The following FOXN1 variants were observed in gnomAD, a reference collection of about 807,000 sequenced individuals.
FOXN1 encodes forkhead box protein N1.
Under a neutral mutation model 49.0 loss-of-function variants are expected in FOXN1, and 15 were observed. The observed-to-expected ratio is 0.31, with a 90% CI of 0.20 to 0.47. FOXN1 has a LOEUF of 0.47. Among genes scored for constraint, FOXN1 ranks in the 20% least tolerant of loss-of-function variants. The pLI is 1.00. For synonymous variants in FOXN1, 356 were observed against 369.0 expected (o/e 0.96, Z 0.40); for missense variants, 800 against 842.8 (o/e 0.95, Z 0.63).
chr17:28,516,410 C>A (rs546875710), intron 1 of FOXN1, among the ~76,000 whole-genome samples: 1 of 150,798 alleles, frequency 6.6e-6, no homozygotes, highest in Non-Finnish European at 1.5e-5. Context: ...CATACCATCA[C>A]GGGGTACATG....
intron 1 of FOXN1, among the ~76,000 whole-genome samples, chr17:28,519,024 T>C (rs936869165): frequency 6.6e-6 from 1 of 152,214 alleles, no homozygotes; most frequent in African/African-American, 2.4e-5. Context: ...ATACTCCCAC[T>C]GTGGCTGATC....
At position 28,535,069 on chromosome 17, in the gene FOXN1, A is replaced by G. The variant is rs1184264768; in HGVS notation, c.1498A>G (p.Ser500Gly). The G allele has an allele frequency of 6.2e-7, 1 of 1,609,798 alleles. No individual in the cohort carries two copies. The highest frequency in any genetic ancestry group is 8.5e-7 in the Non-Finnish European group (1 of 1,177,098). ...GCCTCTGCCTGCCCACACCCCACCC[A>G]GCCACAGTGCCAAGCTACTGGCCGA... ...DSPLPAHTPP[S>G]HSAKLLAEPS... Residue 500 changes from serine to glycine, a missense_variant, in exon 8 of 9, where the codon AGC becomes GGC. Ser to Gly is a moderately conservative substitution (Grantham distance 56, BLOSUM62 0). Around this residue, in one of 3 missense-constraint regions of FOXN1, gnomAD observed 344 missense variants for 366.1 expected, o/e 0.94. Coordinates refer to ENST00000579795, the MANE Select transcript of FOXN1 (RefSeq NM_001369369.1).
intron 1 of FOXN1, among the ~76,000 whole-genome samples, chr17:28,514,839 ACAGGGGAGG>A (rs1336836387): frequency 6.6e-5 from 10 of 152,092 alleles, no homozygotes; most frequent in Admixed American, 2.0e-4. Context: ...TCAGTTGCCC[ACAGGGGAGG>A]CAGGGACAGA....
rs772575823 is a variant in FOXN1, at chr17:28,537,178, C to T, written c.1689C>T (p.Thr563=). ...CCCTCGACCCCCTGGTACTGGTGAC[C>T]TCATCCCCGACATCATCTTCGATGC... The part of the protein sequence containing the change: ...SLALDPLVLV[T]SSPTSSSMPP... Residue 563 remains threonine (T), a synonymous_variant, in exon 9 of 9, where the codon ACC becomes ACT. Coordinates refer to ENST00000579795, the MANE Select transcript of FOXN1 (RefSeq NM_001369369.1). 16 of 1,613,844 alleles carry T rather than the reference C, an allele frequency of 9.9e-6. No individual in the cohort carries two copies. Among genetic ancestry groups the T allele is most frequent in the African/African-American group, 1.3e-5 (1 of 74,882 alleles).
intron 1 of FOXN1, among the ~76,000 whole-genome samples, chr17:28,512,852 A>G (rs1175670713): frequency 2.0e-5 from 3 of 152,126 alleles, no homozygotes; most frequent in Non-Finnish European, 2.9e-5. Flanking sequence ...AGAGCAAAAG[A>G]TCCCTGGAGG....
chr17:28,518,883 A>G (rs1282923823), intron 1 of FOXN1, among the ~76,000 whole-genome samples: 1 of 152,188 alleles, frequency 6.6e-6, no homozygotes, highest in Non-Finnish European at 1.5e-5. Context: ...CCCTAAAAAA[A>G]TGGGCTTGAT....
At chr17:28,536,766 T>G (rs72846186) in intron 8 of FOXN1, among the ~76,000 whole-genome samples, 4,944 of 152,196 alleles carry the variant, frequency 0.032, 115 homozygotes, top group Non-Finnish European at 0.046. Context: ...AAATCTACCT[T>G]CCTTGGGAGA....
chr17:28,534,988 C>T lies in FOXN1; in HGVS notation c.1417C>T (p.Pro473Ser). Reference sequence around the variant, plus strand: ...TCCTGGACCCCCGCAGCCATTGTTCCCACAGCCGGACGGGCACCTTGAGCT... The same window carrying T: ...TCCTGGACCCCCGCAGCCATTGTTCTCACAGCCGGACGGGCACCTTGAGCT... ...APPGPPQPLF[P>S]QPDGHLELRA... Residue 473 changes from proline (P) to serine (S), a missense_variant, in exon 8 of 9, where the codon CCA becomes TCA. Transcript: ENST00000579795. This position sits in a 1 kb window ranked among gnomAD's most constrained non-coding sequence, Gnocchi z 4.1. 3.7e-6 allele frequency: 6 copies of T among 1,614,046 alleles called. No individual in the cohort carries two copies. Among genetic ancestry groups the T allele is most frequent in the South Asian group, 2.2e-5 (2 of 91,084 alleles).
intron 1 of FOXN1, among the ~76,000 whole-genome samples, chr17:28,512,433 A>T (rs2069413203): frequency 6.6e-6 from 1 of 152,224 alleles, no homozygotes; most frequent in Non-Finnish European, 1.5e-5. Context: ...GTCCACCTCC[A>T]AGTCCTAGGT....
rs922744880 is a variant in FOXN1, at chr17:28,534,726, T to A, written c.1155T>A (p.Ile385=). The change falls in exon 8 of 9, where the codon ATT becomes ATA. Residue 385 remains isoleucine (I), a synonymous_variant. Coordinates refer to ENST00000579795, the MANE Select transcript of FOXN1 (RefSeq NM_001369369.1). The surrounding 1 kb of genome is among the most constrained non-coding windows in gnomAD (Gnocchi z 4.1). ...MAKPEELDSL[I]GDKREKLGSP... is the part of the protein sequence containing the mutation. ...TTTCAGAAGAGCTGGACAGCCTCAT[T>A]GGAGACAAGAGAGAAAAGCTGGGCT... 8 of 1,613,418 alleles carry A rather than the reference T, an allele frequency of 5.0e-6. No homozygotes were observed. The highest frequency in any genetic ancestry group is 5.9e-6 in the Non-Finnish European group (7 of 1,179,926).
rs532050915 is a variant in FOXN1, at chr17:28,518,220, G to A, written c.-14-5736G>A. On this transcript the variant is annotated intron_variant, in intron 1 of 8. Transcript: ENST00000579795. ...TCCACAGGGTACACACCTCCGCAGG[G>A]TACACTCCTCCACCAGGTACACACC... 3.3e-5 allele frequency among the ~76,000 whole-genome samples: 5 copies of A among 151,872 alleles called. No individual in the cohort carries two copies. The East Asian group carries it at 9.7e-4, about 30-fold the overall frequency.
chr17:28,525,721 C>T (rs1215450408), intron 3 of FOXN1, among the ~76,000 whole-genome samples: 1 of 152,052 alleles, frequency 6.6e-6, no homozygotes, highest in African/African-American at 2.4e-5. Context: ...CCACCAGCCC[C>T]CCTCACCTCT....
At chr17:28,535,275 G>A (rs921491072) in intron 8 of FOXN1, 77 bp downstream of exon 8, 9 of 1,498,906 alleles carry the variant, frequency 6.0e-6, no homozygotes, top group Non-Finnish European at 6.4e-6. Context: ...TCTTCTCCAA[G>A]TCTCCAGACT....
intron 1 of FOXN1, among the ~76,000 whole-genome samples, chr17:28,519,923 G>T (rs970981865): frequency 1.7e-4 from 26 of 152,070 alleles, no homozygotes; most frequent in Non-Finnish European, 3.7e-4. Flanking sequence ...CCTTCCTGAT[G>T]CTCCCGATCC....
rs2070028183 is a variant in FOXN1 at position 28,535,108 on chromosome 17, A to G, written c.1537A>G (p.Arg513Gly). Residue 513 changes from arginine to glycine, a missense_variant, in exon 8 of 9, where the codon AGG becomes GGG. Arg to Gly is a moderately radical substitution (Grantham distance 125, BLOSUM62 -2). This residue lies in a region of FOXN1 where 344 missense variants were observed against 366.1 expected (regional missense o/e 0.94). Transcript: ENST00000579795. Reference protein sequence around the residue: ...AKLLAEPSPARTMHDTLLPDG... With the variant: ...AKLLAEPSPAGTMHDTLLPDG... ...GCTACTGGCCGAGCCTTCCCCAGCCAGGACTATGCACGACACCCTGCTGCC... is the reference window on the plus strand; with the variant it reads ...GCTACTGGCCGAGCCTTCCCCAGCCGGGACTATGCACGACACCCTGCTGCC... The G allele has an allele frequency of 3.7e-6, 6 of 1,607,780 alleles. No individual in the cohort carries two copies. In the South Asian group the frequency reaches 5.5e-5, roughly 15 times the overall value.
At chr17:28,524,194 C>T in intron 2 of FOXN1, 102 bp downstream of exon 2, 1 of 1,211,182 alleles carries the variant, frequency 8.3e-7, no homozygotes, top group Non-Finnish European at 1.2e-6. Context: ...CTCCCAGGGC[C>T]TGTCTTGTCC....
intron 1 of FOXN1, among the ~76,000 whole-genome samples, chr17:28,522,603 T>G (rs2069662766): frequency 6.6e-6 from 1 of 151,968 alleles, no homozygotes; most frequent in Non-Finnish European, 1.5e-5. Flanking sequence ...GCCGAGAGCA[T>G]GCCACCGCAC....
intron 8 of FOXN1, among the ~76,000 whole-genome samples, chr17:28,535,417 C>T (rs1225550492): frequency 6.6e-6 from 1 of 152,174 alleles, no homozygotes; most frequent in African/African-American, 2.4e-5. Flanking sequence ...TGTCTCCCTC[C>T]TCCTGGTGCT....
intron 3 of FOXN1, among the ~76,000 whole-genome samples, chr17:28,526,834 G>T (rs2069780708): frequency 2.0e-5 from 3 of 152,174 alleles, no homozygotes; most frequent in Admixed American, 6.5e-5. Flanking sequence ...GATCCTCAGG[G>T]AGAGTTCTGG....
Sources: allele counts gnomAD v4.1 joint callset (sites outside exome capture counted in the v4.1 genomes callset), GRCh38; gene constraint gnomAD v4.1.1; regional missense constraint gnomAD v4.1.1; non-coding constraint Gnocchi (gnomAD v3.1); transcripts MANE v1.5; gene names NCBI Gene and HGNC (gene_info 2026-07-23, HGNC 2026-07-21).